ZEB2: variants seen among roughly 807,000 people sequenced by gnomAD.
ZEB2 encodes zinc finger E-box-binding homeobox 2.
In ZEB2, 6 loss-of-function variants were observed where a neutral mutation model predicts 99.9. That is an observed-to-expected ratio of 0.06 (90% CI 0.03 to 0.12). ZEB2 has a LOEUF of 0.12. Among genes scored for constraint, ZEB2 ranks in the 10% least tolerant of loss-of-function variants. The pLI, the probability that ZEB2 is intolerant of heterozygous loss-of-function variation, is 1.00. For missense variants in ZEB2, 969 were observed against 1,502.8 expected (o/e 0.64, Z 5.87); for synonymous variants, 517 against 542.5 (o/e 0.95, Z 0.65).
intron 2 of ZEB2, 99 bp from the exon 3 acceptor site, chr2:144,430,125 T>A: frequency 6.7e-7 from 1 of 1,487,882 alleles, no homozygotes; most frequent in Non-Finnish European, 9.2e-7. Flanking sequence ...AATATTTTCA[T>A]AACTGAATTA....
At chr2:144,493,945 G>A (rs1005775823) in intron 2 of ZEB2, among the ~76,000 whole-genome samples, 5 of 152,010 alleles carry the variant, frequency 3.3e-5, no homozygotes, top group African/African-American at 9.7e-5. Context: ...GAGGTCAGGA[G>A]ATCGAGACCG....
chr2:144,502,223 G>T (rs543690355), intron 2 of ZEB2, among the ~76,000 whole-genome samples: 2 of 152,054 alleles, frequency 1.3e-5, no homozygotes, highest in Non-Finnish European at 2.9e-5. Context: ...CACCTAACTC[G>T]TAACAGCTCT....
intron 2 of ZEB2, among the ~76,000 whole-genome samples, chr2:144,507,596 C>T (rs570964609): frequency 1.7e-4 from 24 of 143,416 alleles, no homozygotes; most frequent in Non-Finnish European, 3.3e-4. Context: ...TCTGTGCTGC[C>T]TGCTCTTCCA....
intron 2 of ZEB2, among the ~76,000 whole-genome samples, chr2:144,456,945 A>G (rs963039232): frequency 3.9e-5 from 6 of 151,992 alleles, no homozygotes; most frequent in Non-Finnish European, 5.9e-5. Flanking sequence ...TCTTTTCTCA[A>G]TCGTTCCAGC....
rs1232866784 is a variant in ZEB2 at position 144,517,424 on chromosome 2, C to G, written c.-69-5G>C. The stretch of plus-strand genomic sequence containing the variant: ...TCGGCAGCACGCAGGCTCGATCTAG[C>G]AACCAAACACAGCGACAATGTGGGC... On this transcript the variant is annotated splice_polypyrimidine_tract_variant and splice_region_variant and intron_variant, in intron 1 of 9. Transcript: ENST00000627532. 1.9e-6 allele frequency: 3 copies of G among 1,561,158 alleles called. No homozygotes were observed. Among genetic ancestry groups the G allele is most frequent in the Middle Eastern group, 3.3e-4 (2 of 6,002 alleles).
intron 6 of ZEB2, among the ~76,000 whole-genome samples, chr2:144,403,225 A>C (rs1202853511): frequency 6.6e-6 from 1 of 152,012 alleles, no homozygotes; most frequent in African/African-American, 2.4e-5. Flanking sequence ...TTAAGAAGCT[A>C]TACTTAACTG....
At chr2:144,504,217 C>T (rs1209730014) in intron 2 of ZEB2, 1 of 152,058 alleles carries the variant, frequency 6.6e-6, no homozygotes, top group Non-Finnish European at 1.5e-5. Flanking sequence ...TTAAGTGTGC[C>T]CACTCCTCTT....
intron 4 of ZEB2, among the ~76,000 whole-genome samples, chr2:144,407,788 G>A (rs1703408578): frequency 6.6e-6 from 1 of 152,154 alleles, no homozygotes; most frequent in Non-Finnish European, 1.5e-5. Flanking sequence ...AGTTTTTTGA[G>A]AATATTGTCC....
intron 2 of ZEB2, among the ~76,000 whole-genome samples, chr2:144,507,997 C>T (rs1480342647): frequency 6.6e-6 from 1 of 152,164 alleles, no homozygotes; most frequent in Non-Finnish European, 1.5e-5. Flanking sequence ...ATTCAGCCCC[C>T]AAACTGTGAC....
rs542744806 is a variant in ZEB2 at position 144,450,762 on chromosome 2, G to A, written c.74-20736C>T. Among the ~76,000 whole-genome samples, 26 of 152,226 alleles carry A rather than the reference G, an allele frequency of 1.7e-4. No individual in the cohort carries two copies. In the East Asian group the frequency reaches 4.2e-3, roughly 25 times the overall value. ...ATGACCTTGGTTCACTGCAACCTCC[G>A]CCTCCCGGGTTCAAGCAATTCTCCT... On this transcript the variant is annotated intron_variant, in intron 2 of 9. Transcript: ENST00000627532.
intron 2 of ZEB2, among the ~76,000 whole-genome samples, chr2:144,474,720 T>C (rs1704407530): frequency 6.6e-6 from 1 of 152,178 alleles, no homozygotes; most frequent in Non-Finnish European, 1.5e-5. Context: ...GGACCTTACA[T>C]TAGATCATCA....
At chr2:144,489,514 T>A (rs1443330811) in intron 2 of ZEB2, among the ~76,000 whole-genome samples, 1 of 152,176 alleles carries the variant, frequency 6.6e-6, no homozygotes, top group Non-Finnish European at 1.5e-5. Context: ...AAAATGCATA[T>A]CAGCAGAATC....
At chr2:144,511,808 A>T in intron 2 of ZEB2, 1 of 1,286,970 alleles carries the variant, frequency 7.8e-7, no homozygotes, top group South Asian at 1.2e-5. Flanking sequence ...AGAAGTAAAG[A>T]GGGGGAATAG....
At chr2:144,409,351 A>G (rs1260354132) in intron 4 of ZEB2, among the ~76,000 whole-genome samples, 1 of 152,190 alleles carries the variant, frequency 6.6e-6, no homozygotes, top group African/African-American at 2.4e-5. Context: ...AGATTATGCA[A>G]TAATGTGTAC....
intron 2 of ZEB2, among the ~76,000 whole-genome samples, chr2:144,493,611 G>A (rs1383095567): frequency 6.6e-6 from 1 of 152,180 alleles, no homozygotes; most frequent in East Asian, 1.9e-4. Flanking sequence ...TGTTATTGGA[G>A]CAGGAGTCTG....
chr2:144,514,442 T>A (rs186893396), intron 2 of ZEB2: 1 of 152,260 alleles, frequency 6.6e-6, no homozygotes, highest in African/African-American at 2.4e-5. Flanking sequence ...GGAATTTCTA[T>A]ATGATTTTGA....
chr2:144,430,564 C>G (rs1560621316), intron 2 of ZEB2: 1 of 180,274 alleles, frequency 5.5e-6, no homozygotes, highest in Non-Finnish European at 1.3e-5. Context: ...TTCACTCTTT[C>G]TTCTATGTCA....
rs373656114 is a variant in ZEB2, at chr2:144,485,238, A to G, written c.73+32040T>C. Reference sequence around the variant, plus strand: ...AATCCTGGTTCCTTCCAAGTTCTAAAATTACATGAATGCTCTCTAGGGAAA... The same window carrying G: ...AATCCTGGTTCCTTCCAAGTTCTAAGATTACATGAATGCTCTCTAGGGAAA... On this transcript the variant is annotated intron_variant, in intron 2 of 9. Coordinates refer to ENST00000627532, the MANE Select transcript of ZEB2 (RefSeq NM_014795.4). Among the ~76,000 whole-genome samples the G allele has an allele frequency of 2.0e-5, 3 of 152,344 alleles. No homozygotes were observed. In the East Asian group the frequency reaches 5.8e-4, roughly 29 times the overall value.
intron 2 of ZEB2, among the ~76,000 whole-genome samples, chr2:144,483,875 T>G (rs1465950596): frequency 6.6e-6 from 1 of 152,194 alleles, no homozygotes; most frequent in East Asian, 1.9e-4. Flanking sequence ...TAGTTCCAAC[T>G]TTTACCTGAT....
Sources: allele counts gnomAD v4.1 joint callset (sites outside exome capture counted in the v4.1 genomes callset), GRCh38; gene constraint gnomAD v4.1.1; transcripts MANE v1.5; gene names NCBI Gene and HGNC (gene_info 2026-07-23, HGNC 2026-07-21).